The following LUZP2 variants were observed in gnomAD, a reference collection of about 807,000 sequenced individuals.
The protein encoded by LUZP2 is leucine zipper protein 2.
LUZP2 carries 52 observed loss-of-function variants against 51.6 expected under a neutral mutation model. The observed-to-expected ratio is 1.01, with a 90% CI of 0.81 to 1.27. The LOEUF (loss-of-function observed/expected upper bound fraction) is 1.27, where lower values mean the gene tolerates loss of function less well. Among genes scored for constraint, LUZP2 ranks in the 50% most tolerant of loss-of-function variants. The pLI, the probability that LUZP2 is intolerant of heterozygous loss-of-function variation, is 0.00. For synonymous variants in LUZP2, 154 were observed against 137.3 expected (o/e 1.12, Z -0.85); for missense variants, 436 against 395.4 (o/e 1.10, Z -0.87).
In LUZP2 at chr11:24,625,213, A is replaced by C. The variant is rs553522942; in HGVS notation, c.63-103956A>C. 7.2e-5 allele frequency among the ~76,000 whole-genome samples: 11 copies of C among 152,230 alleles called. No individual in the cohort carries two copies. The South Asian group carries it at 2.3e-3, about 32-fold the overall frequency. On this transcript the variant is annotated intron_variant, in intron 1 of 11. Coordinates refer to ENST00000336930, the MANE Select transcript of LUZP2 (RefSeq NM_001009909.4). Reference sequence around the variant, plus strand: ...AGGGGAAATGAGATTATGTTGGTCAAAGGGCACAAAATGTCACATATACAA... The same window carrying C: ...AGGGGAAATGAGATTATGTTGGTCACAGGGCACAAAATGTCACATATACAA...
chr11:24,961,068 T>C (rs963417608), intron 7 of LUZP2, among the ~76,000 whole-genome samples: 1 of 152,224 alleles, frequency 6.6e-6, no homozygotes, highest in Non-Finnish European at 1.5e-5. Flanking sequence ...TGAGTGAGTT[T>C]CTTAATCCTG....
rs1857642608 is a variant in LUZP2 at position 25,030,931 on chromosome 11, ATATATATTATATATAT to A, written c.766-19099_766-19084del. On this transcript the variant is annotated intron_variant, in intron 9 of 11. Coordinates refer to ENST00000336930, the MANE Select transcript of LUZP2 (RefSeq NM_001009909.4). Reference sequence around the variant, plus strand: ...ATATATATTGTATTATATATATATAATATATATTATATATATTATATATATAATACAATATATATTA... The same window carrying A: ...ATATATATTGTATTATATATATATAATATATATATAATACAATATATATTA... Among the ~76,000 whole-genome samples the A allele has an allele frequency of 2.3e-3, 3 of 1,292 alleles. 1 individual carries two copies. Among genetic ancestry groups the A allele is most frequent in the Non-Finnish European group, 1.2e-3 (1 of 866 alleles). The allele number at this position is 1,292 out of a possible 152,430, so 0.8% of individuals were successfully genotyped here.
chr11:24,853,513 A>C (rs1851458348), intron 5 of LUZP2, among the ~76,000 whole-genome samples: 1 of 152,022 alleles, frequency 6.6e-6, no homozygotes, highest in Admixed American at 6.6e-5. Flanking sequence ...TCTAGTTAGC[A>C]ATTCTTCTAA....
intron 1 of LUZP2, among the ~76,000 whole-genome samples, chr11:24,676,360 A>T (rs974641484): frequency 1.3e-5 from 2 of 152,154 alleles, no homozygotes; most frequent in African/African-American, 4.8e-5. Flanking sequence ...TTAATTGAAG[A>T]TACTCTCCTT....
intron 5 of LUZP2, among the ~76,000 whole-genome samples, chr11:24,825,551 T>A (rs973107221): frequency 6.6e-6 from 1 of 152,264 alleles, no homozygotes; most frequent in African/African-American, 2.4e-5. Context: ...ATAACATTAG[T>A]CAAAACTATT....
chr11:24,572,005 G>A (rs1163741364), intron 1 of LUZP2, among the ~76,000 whole-genome samples: 1 of 151,848 alleles, frequency 6.6e-6, no homozygotes, highest in Non-Finnish European at 1.5e-5. Context: ...GAAAAATTAT[G>A]TACATTTTCA....
intron 7 of LUZP2, among the ~76,000 whole-genome samples, chr11:24,968,568 G>C (rs1416453855): frequency 6.6e-6 from 1 of 152,072 alleles, no homozygotes; most frequent in Non-Finnish European, 1.5e-5. Context: ...CAGCCATGTA[G>C]AATTTGTTCT....
At chr11:24,574,768 T>C (rs909749533) in intron 1 of LUZP2, among the ~76,000 whole-genome samples, 2 of 152,110 alleles carry the variant, frequency 1.3e-5, no homozygotes, top group African/African-American at 2.4e-5. Flanking sequence ...ATTTTGTCTT[T>C]CTTGATCACT....
chr11:24,887,179 C>G (rs563715814), intron 5 of LUZP2, among the ~76,000 whole-genome samples: 2 of 115,704 alleles, frequency 1.7e-5, no homozygotes, highest in African/African-American at 6.8e-5. Context: ...CTGCGAAGCC[C>G]CTAGTTTTTT....
At chr11:24,935,966 G>A (rs1044935539) in intron 7 of LUZP2, among the ~76,000 whole-genome samples, 1 of 152,098 alleles carries the variant, frequency 6.6e-6, no homozygotes, top group Non-Finnish European at 1.5e-5. Context: ...ATGTTTAGAT[G>A]TTCCCTTTTT....
At chr11:24,903,548 A>C (rs1206012259) in intron 5 of LUZP2, among the ~76,000 whole-genome samples, 1 of 152,142 alleles carries the variant, frequency 6.6e-6, no homozygotes, top group Non-Finnish European at 1.5e-5. Context: ...TCTGCATTAA[A>C]TGTTCATTTT....
chr11:24,569,979 A>G (rs1016667214), intron 1 of LUZP2, among the ~76,000 whole-genome samples: 3 of 152,096 alleles, frequency 2.0e-5, no homozygotes, highest in African/African-American at 7.2e-5. Context: ...TTTTCACATC[A>G]TTTACATACT....
intron 9 of LUZP2, among the ~76,000 whole-genome samples, chr11:25,029,164 A>C (rs897022287): frequency 6.6e-6 from 1 of 152,132 alleles, no homozygotes; most frequent in Non-Finnish European, 1.5e-5. Context: ...AAGACCTACT[A>C]TTTGATAGCA....
chr11:24,919,862 A>T (rs1425287966), intron 7 of LUZP2, among the ~76,000 whole-genome samples: 1 of 151,612 alleles, frequency 6.6e-6, no homozygotes, highest in South Asian at 2.1e-4. Flanking sequence ...CAGTACAATA[A>T]TAACAAGAGA....
chr11:24,690,303 G>A (rs1371709248), intron 1 of LUZP2, among the ~76,000 whole-genome samples: 1 of 152,018 alleles, frequency 6.6e-6, no homozygotes, highest in Admixed American at 6.6e-5. Flanking sequence ...TTAATGAATA[G>A]ACTCTGCATA....
chr11:24,947,687 C>T (rs1295186531), intron 7 of LUZP2, among the ~76,000 whole-genome samples: 8 of 151,784 alleles, frequency 5.3e-5, no homozygotes, highest in Non-Finnish European at 7.4e-5. Flanking sequence ...TCTGGTAATA[C>T]CTTTTCTTTG....
chr11:24,612,477 T>A (rs1463968338), intron 1 of LUZP2, among the ~76,000 whole-genome samples: 1 of 152,114 alleles, frequency 6.6e-6, no homozygotes, highest in Non-Finnish European at 1.5e-5. Context: ...TAAATGTGAT[T>A]TACCTTTAGT....
At chr11:25,076,733 C>CTT (rs59989545) in intron 10 of LUZP2, among the ~76,000 whole-genome samples, 3,664 of 132,660 alleles carry the variant, frequency 0.028, 73 homozygotes, top group East Asian at 0.085. Flanking sequence ...AAGTGGAATC[C>CTT]TTTTTTTTTT....
chr11:24,716,172 G>A (rs1317575631), intron 1 of LUZP2, among the ~76,000 whole-genome samples: 1 of 152,096 alleles, frequency 6.6e-6, no homozygotes, highest in Non-Finnish European at 1.5e-5. Context: ...TTAAAAGTAG[G>A]CAGAAATGTT....
Sources: gnomAD v4.1 joint callset for allele counts (sites outside exome capture counted in the v4.1 genomes callset) on GRCh38, gnomAD v4.1.1 for gene constraint, MANE v1.5 for transcripts, NCBI Gene and HGNC (gene_info 2026-07-23, HGNC 2026-07-21) for gene names.